The following BICC1 variants were observed in gnomAD, a reference collection of about 807,000 sequenced individuals.
BICC1 encodes the protein BicC family RNA binding protein 1, also known as protein bicaudal C homolog 1.
BICC1 carries 43 observed loss-of-function variants against 111.0 expected under a neutral mutation model. That is an observed-to-expected ratio of 0.39 (90% CI 0.30 to 0.50). The LOEUF (loss-of-function observed/expected upper bound fraction) is 0.50, where lower values mean the gene tolerates loss of function less well. BICC1 is among the 20% of genes least tolerant of loss of function. BICC1 has a pLI of 0.88. For synonymous variants in BICC1, 467 were observed against 434.4 expected (o/e 1.07, Z -0.93); for missense variants, 1,091 against 1,203.2 (o/e 0.91, Z 1.38).
intron 17 of BICC1, among the ~76,000 whole-genome samples, chr10:58,808,504 A>T (rs1487031992): frequency 1.3e-5 from 2 of 152,140 alleles, no homozygotes; most frequent in Non-Finnish European, 2.9e-5. Context: ...TTCTAAGACC[A>T]ACAGTAGGAC....
At chr10:58,762,630 T>C (rs954420920) in intron 3 of BICC1, among the ~76,000 whole-genome samples, 3 of 151,898 alleles carry the variant, frequency 2.0e-5, no homozygotes, top group African/African-American at 7.3e-5. Flanking sequence ...CCAGCCTGTA[T>C]GCTTACACAT....
chr10:58,518,727 C>T (rs11006171), intron 1 of BICC1, among the ~76,000 whole-genome samples: 74,976 of 151,670 alleles, frequency 0.49, 18,791 homozygotes, highest in African/African-American at 0.55. Flanking sequence ...TGAAAAAACA[C>T]ATCAGAGGTT....
Position 58,702,967 on chromosome 10 carries a change from C to A in BICC1, c.307+824C>A, listed in dbSNP as rs2393472. On this transcript the variant is annotated intron_variant, in intron 3 of 20. Transcript: ENST00000373886. ...AGTTTCGTATTTGCTGCCCCTTCTCCCCATGACTTACTACTAAATGATAAC... is the reference window on the plus strand; with the variant it reads ...AGTTTCGTATTTGCTGCCCCTTCTCACCATGACTTACTACTAAATGATAAC... 5.3e-5 allele frequency among the ~76,000 whole-genome samples: 8 copies of A among 152,142 alleles called. No individual in the cohort carries two copies. In the East Asian group the frequency reaches 7.7e-4, roughly 15 times the overall value.
intron 3 of BICC1, among the ~76,000 whole-genome samples, chr10:58,711,110 AG>A (rs1211553985): frequency 6.6e-6 from 1 of 152,170 alleles, no homozygotes; most frequent in Non-Finnish European, 1.5e-5. Context: ...AGCCTCCCAA[AG>A]TATTAGGATT....
chr10:58,691,769 A>G lies in BICC1; in HGVS notation c.238-10305A>G, dbSNP rs561764360. Reference sequence around the variant, plus strand: ...GCTCGGTTTGCCTCTCACTCACTGCACTCACCCCACTACTGCAGGCATTTT... The same window carrying G: ...GCTCGGTTTGCCTCTCACTCACTGCGCTCACCCCACTACTGCAGGCATTTT... On this transcript the variant is annotated intron_variant, in intron 2 of 20. Coordinates refer to ENST00000373886, the MANE Select transcript of BICC1 (RefSeq NM_001080512.3). 3.3e-5 allele frequency among the ~76,000 whole-genome samples: 5 copies of G among 152,116 alleles called. No homozygotes were observed. In the Middle Eastern group the frequency reaches 0.014, roughly 414 times the overall value.
Position 58,524,144 on chromosome 10 carries a change from C to G in BICC1, c.190+10811C>G, listed in dbSNP as rs1348562542. ...TACTGCCCAAGGTAATTTATAGATT[C>G]AATGCCATCCCCATCAAGCTACCAA... is the stretch of plus-strand genomic sequence containing the variant. On this transcript the variant is annotated intron_variant, in intron 1 of 20. Coordinates refer to ENST00000373886, the MANE Select transcript of BICC1 (RefSeq NM_001080512.3). 3.3e-5 allele frequency among the ~76,000 whole-genome samples: 5 copies of G among 152,192 alleles called. No individual in the cohort carries two copies. In the South Asian group the frequency reaches 1.0e-3, roughly 32 times the overall value.
intron 3 of BICC1, among the ~76,000 whole-genome samples, chr10:58,732,379 GTATATATATATATATATATATATATATA>G (rs1163026692): frequency 0.49 from 37,382 of 75,674 alleles, 13,895 homozygotes; most frequent in East Asian, 0.71. Context: ...GTGTGTGTAT[GTATATATATATATATATATATATATATA>G]TATATATATA....
chr10:58,581,070 A>T (rs1589116102), intron 1 of BICC1, among the ~76,000 whole-genome samples: 1 of 152,300 alleles, frequency 6.6e-6, no homozygotes, highest in East Asian at 1.9e-4. Flanking sequence ...AAATTAAATG[A>T]TGACTTTATT....
chr10:58,557,452 CTT>C (rs1843483885), intron 1 of BICC1, among the ~76,000 whole-genome samples: 1 of 151,318 alleles, frequency 6.6e-6, no homozygotes, highest in African/African-American at 2.4e-5. Context: ...TTCAAATATC[CTT>C]TCTGTTTCTC....
intron 1 of BICC1, among the ~76,000 whole-genome samples, chr10:58,533,792 T>C (rs1200757015): frequency 2.7e-5 from 4 of 150,120 alleles, no homozygotes; most frequent in African/African-American, 7.4e-5. Context: ...CCAGAAAAAA[T>C]GAGAAAGAAA....
intron 3 of BICC1, among the ~76,000 whole-genome samples, chr10:58,707,401 A>G (rs1340200480): frequency 6.6e-6 from 1 of 152,098 alleles, no homozygotes; most frequent in Non-Finnish European, 1.5e-5. Flanking sequence ...GCTGGACCAA[A>G]GTGTTGCTAA....
intron 2 of BICC1, among the ~76,000 whole-genome samples, chr10:58,675,968 G>C (rs1006865291): frequency 4.2e-4 from 64 of 152,202 alleles, no homozygotes; most frequent in African/African-American, 1.4e-3. Context: ...TAGACAGTGG[G>C]TGCAGCCCAC....
chr10:58,618,476 G>T (rs1219208100), intron 1 of BICC1, among the ~76,000 whole-genome samples: 1 of 152,188 alleles, frequency 6.6e-6, no homozygotes, highest in African/African-American at 2.4e-5. Flanking sequence ...CTTGCGCCTG[G>T]GTTGGCTCGC....
intron 3 of BICC1, among the ~76,000 whole-genome samples, chr10:58,768,718 G>C (rs11006257): frequency 0.27 from 41,661 of 151,694 alleles, 6,590 homozygotes; most frequent in East Asian, 0.47. Flanking sequence ...TAAAAGTGTA[G>C]AGTTACCAGC....
chr10:58,587,288 A>G (rs1303819233), intron 1 of BICC1, among the ~76,000 whole-genome samples: 1 of 152,066 alleles, frequency 6.6e-6, no homozygotes, highest in African/African-American at 2.4e-5. Flanking sequence ...TTCCTGTCTT[A>G]TTGATCATAG....
intron 1 of BICC1, among the ~76,000 whole-genome samples, chr10:58,541,368 A>AC (rs1842976213): frequency 2.6e-5 from 4 of 152,162 alleles, no homozygotes; most frequent in Non-Finnish European, 5.9e-5. Flanking sequence ...TGCAGGACAC[A>AC]AAATCAACAC....
chr10:58,587,059 A>T (rs1209642999), intron 1 of BICC1, among the ~76,000 whole-genome samples: 1 of 152,138 alleles, frequency 6.6e-6, no homozygotes, highest in African/African-American at 2.4e-5. Context: ...CCTCATGAAT[A>T]TTGAGTGCCA....
intron 2 of BICC1, among the ~76,000 whole-genome samples, chr10:58,639,719 A>ATTTTT (rs71033694): frequency 2.9e-4 from 27 of 93,144 alleles, no homozygotes; most frequent in Non-Finnish European, 4.6e-4. Flanking sequence ...GCCCGGCCAA[A>ATTTTT]TTTTTTTTTT....
chr10:58,555,508 A>G (rs915527310), intron 1 of BICC1, among the ~76,000 whole-genome samples: 6 of 152,072 alleles, frequency 3.9e-5, no homozygotes, highest in African/African-American at 1.4e-4. Flanking sequence ...AGGGAAGCTA[A>G]GGTCTAGGTG....
Sources: allele counts gnomAD v4.1 joint callset (sites outside exome capture counted in the v4.1 genomes callset), GRCh38; gene constraint gnomAD v4.1.1; transcripts MANE v1.5; gene names NCBI Gene and HGNC (gene_info 2026-07-23, HGNC 2026-07-21).